Variants in ARSJ observed in about 807,000 individuals in gnomAD.
The protein encoded by ARSJ is arylsulfatase J.
A neutral mutation model predicts 35.9 loss-of-function variants in ARSJ; 26 were observed. The observed-to-expected ratio is 0.72, with a 90% CI of 0.53 to 1.00. The LOEUF (loss-of-function observed/expected upper bound fraction) is 1.00. Ranked by LOEUF, ARSJ falls within the 50% of genes least tolerant of loss-of-function variation. The pLI is 0.00. For synonymous variants in ARSJ, 294 were observed against 267.6 expected (o/e 1.10, Z -0.96); for missense variants, 667 against 723.6 (o/e 0.92, Z 0.90).
intron 1 of ARSJ, among the ~76,000 whole-genome samples, chr4:113,934,939 C>T (rs1291202388): frequency 2.0e-5 from 3 of 151,674 alleles, no homozygotes; most frequent in Non-Finnish European, 4.4e-5. Context: ...ACCACTTTTC[C>T]AGTGCAAATC....
rs111795068 is a variant in ARSJ, at chr4:113,953,215, A to T, written c.398+25222T>A. Among the ~76,000 whole-genome samples the T allele has an allele frequency of 7.5e-3, 1,143 of 152,186 alleles. 11 individuals are homozygous for T. The highest frequency in any genetic ancestry group is 0.026 in the African/African-American group (1,070 of 41,554). On this transcript the variant is annotated intron_variant, in intron 1 of 1. Transcript: ENST00000315366. ...AATACCGTATTCTGATTCAATAATT[A>T]GAACTCTGGGAAGAGAGCTGTGGAA...
intron 1 of ARSJ, among the ~76,000 whole-genome samples, chr4:113,945,213 G>A (rs1360751904): frequency 3.3e-5 from 5 of 151,986 alleles, no homozygotes; most frequent in Non-Finnish European, 5.9e-5. Flanking sequence ...TGAAATCACA[G>A]CTCACTGACC....
intron 1 of ARSJ, among the ~76,000 whole-genome samples, chr4:113,966,342 T>C (rs1388611894): frequency 5.2e-5 from 2 of 38,208 alleles, no homozygotes; most frequent in Non-Finnish European, 1.0e-4. Context: ...AGAAATGCTT[T>C]AGTAGAGATA....
rs537924140 is a variant in ARSJ at position 113,902,611 on chromosome 4, G to A, written c.1463C>T (p.Ser488Leu). The stretch of plus-strand genomic sequence containing the variant: ...GAAAAGCCATACACTTTTGCCAGTT[G>A]ACAAGGTGATCCGTTCATTGTGCCA... ...NRWHNERITLSTGKSVWLFNI... is the reference protein window; with the variant it reads ...NRWHNERITLLTGKSVWLFNI... Residue 488 changes from serine (S) to leucine (L), a missense_variant, in exon 2 of 2, where the codon TCA becomes TTA. By Grantham distance (145) the Ser-to-Leu change is moderately radical. Coordinates refer to ENST00000315366, the MANE Select transcript of ARSJ (RefSeq NM_024590.4). 6.2e-7 allele frequency: 1 copy of A among 1,614,132 alleles called. No individual in the cohort carries two copies. Among genetic ancestry groups the A allele is most frequent in the South Asian group, 1.1e-5 (1 of 91,068 alleles).
intron 1 of ARSJ, chr4:113,944,378 C>A (rs934430754): frequency 1.3e-5 from 2 of 151,982 alleles, no homozygotes; most frequent in Non-Finnish European, 2.9e-5. Context: ...CTACATTAAT[C>A]TCATAGTTCC....
chr4:113,905,887 C>T (rs1016364148), intron 1 of ARSJ, among the ~76,000 whole-genome samples: 8 of 151,792 alleles, frequency 5.3e-5, no homozygotes, highest in African/African-American at 1.5e-4. Flanking sequence ...AGGCTGATTT[C>T]GAACTTCTGA....
chr4:113,911,289 G>C (rs1333807965), intron 1 of ARSJ, among the ~76,000 whole-genome samples: 1 of 152,188 alleles, frequency 6.6e-6, no homozygotes, highest in Non-Finnish European at 1.5e-5. Flanking sequence ...ACAGGGTGCT[G>C]TATTAGAGGA....
At chr4:113,913,850 C>A (rs1723104171) in intron 1 of ARSJ, among the ~76,000 whole-genome samples, 2 of 152,136 alleles carry the variant, frequency 1.3e-5, no homozygotes, top group African/African-American at 2.4e-5. Context: ...ATTCCTGATA[C>A]TACCAACTTT....
intron 1 of ARSJ, among the ~76,000 whole-genome samples, chr4:113,947,991 C>A (rs1186663234): frequency 2.0e-5 from 3 of 151,988 alleles, no homozygotes; most frequent in African/African-American, 7.2e-5. Context: ...GAGTTCGAGA[C>A]CAGCCTGGGC....
chr4:113,928,270 G>A (rs1724205811), intron 1 of ARSJ, among the ~76,000 whole-genome samples: 1 of 152,098 alleles, frequency 6.6e-6, no homozygotes, highest in Non-Finnish European at 1.5e-5. Context: ...AGGTCTTCTT[G>A]GGGAAGGATG....
At chr4:113,956,920 A>G (rs1726218882) in intron 1 of ARSJ, among the ~76,000 whole-genome samples, 1 of 152,044 alleles carries the variant, frequency 6.6e-6, no homozygotes, top group Non-Finnish European at 1.5e-5. Context: ...GGCAGGCAAT[A>G]GCACCATGGA....
At chr4:113,967,029 A>T (rs1166132932) in intron 1 of ARSJ, among the ~76,000 whole-genome samples, 1 of 152,188 alleles carries the variant, frequency 6.6e-6, no homozygotes, top group Non-Finnish European at 1.5e-5. Context: ...TCTCCCTACG[A>T]GGCTCAGTTG....
intron 1 of ARSJ, among the ~76,000 whole-genome samples, chr4:113,913,406 T>C (rs550047980): frequency 0.027 from 403 of 15,044 alleles, 1 homozygote; most frequent in African/African-American, 0.044. Flanking sequence ...CTAGATAGTC[T>C]TCCCTGACTC....
chr4:113,958,092 G>A (rs939255434), intron 1 of ARSJ, among the ~76,000 whole-genome samples: 1 of 152,058 alleles, frequency 6.6e-6, no homozygotes, highest in African/African-American at 2.4e-5. Flanking sequence ...TGGAGCCCAA[G>A]TTTGCTTGGA....
intron 1 of ARSJ, among the ~76,000 whole-genome samples, chr4:113,923,465 A>G (rs1723809426): frequency 6.6e-6 from 1 of 152,194 alleles, no homozygotes; most frequent in Non-Finnish European, 1.5e-5. Context: ...AAAATTAAGA[A>G]AGAGGAAAAA....
chr4:113,929,281 C>T (rs1263861915), intron 1 of ARSJ, among the ~76,000 whole-genome samples: 1 of 152,086 alleles, frequency 6.6e-6, no homozygotes, highest in Non-Finnish European at 1.5e-5. Flanking sequence ...TAGTTATAGG[C>T]CTAGAAACAA....
chr4:113,905,816 T>C (rs749415894), intron 1 of ARSJ, among the ~76,000 whole-genome samples: 5 of 151,754 alleles, frequency 3.3e-5, no homozygotes, highest in Non-Finnish European at 5.9e-5. Flanking sequence ...TACAGGTGCA[T>C]ACCACCAAGC....
intron 1 of ARSJ, among the ~76,000 whole-genome samples, chr4:113,928,323 T>C (rs187832533): frequency 6.6e-6 from 1 of 152,094 alleles, no homozygotes; most frequent in Non-Finnish European, 1.5e-5. Flanking sequence ...TATAGTGGGG[T>C]CCTTCCTCAA....
In ARSJ at chr4:113,978,753, C is replaced by G. The variant is rs1052327965; in HGVS notation, c.82G>C (p.Gly28Arg). The G allele has an allele frequency of 1.9e-6, 3 of 1,614,138 alleles. No homozygotes were observed. The highest frequency in any genetic ancestry group is 2.7e-5 in the African/African-American group (2 of 74,948). ...CVCPGKMLAM[G>R]ALAGFWILCL... ...AGGATCCAGAATCCTGCCAGCGCCCCCATTGCTAGCATCTTTCCAGGACAG... is the reference window on the plus strand; with the variant it reads ...AGGATCCAGAATCCTGCCAGCGCCCGCATTGCTAGCATCTTTCCAGGACAG... The change falls in exon 1 of 2, where the codon GGG becomes CGG. Residue 28 changes from glycine (G) to arginine (R), a missense_variant. By Grantham distance (125) the Gly-to-Arg change is moderately radical. Coordinates refer to ENST00000315366, the MANE Select transcript of ARSJ (RefSeq NM_024590.4).
Sources: gnomAD v4.1 joint callset for allele counts (sites outside exome capture counted in the v4.1 genomes callset) on GRCh38, gnomAD v4.1.1 for gene constraint, MANE v1.5 for transcripts, NCBI Gene and HGNC (gene_info 2026-07-23, HGNC 2026-07-21) for gene names.